The following CNTLN variants were observed in gnomAD, a reference collection of about 807,000 sequenced individuals.
CNTLN encodes the protein centlein, also known as centlein, centrosomal protein.
A neutral mutation model predicts 180.0 loss-of-function variants in CNTLN; 212 were observed. That is an observed-to-expected ratio of 1.18 (90% CI 1.05 to 1.32). The LOEUF is 1.32. Ranked by LOEUF, CNTLN falls within the 40% of genes most tolerant of loss-of-function variation. The pLI, the probability that CNTLN is intolerant of heterozygous loss-of-function variation, is 0.00. For missense variants in CNTLN, 2,095 were observed against 1,610.9 expected (o/e 1.30, Z -5.14); for synonymous variants, 722 against 563.1 (o/e 1.28, Z -3.99).
chr9:17,264,363 G>C (rs1257066739), intron 5 of CNTLN, among the ~76,000 whole-genome samples: 1 of 151,624 alleles, frequency 6.6e-6, no homozygotes, highest in Admixed American at 6.6e-5. Context: ...TAGATATGCA[G>C]CGTTATTTCT....
At chr9:17,149,768 T>C (rs1317257262) in intron 2 of CNTLN, among the ~76,000 whole-genome samples, 3 of 152,062 alleles carry the variant, frequency 2.0e-5, no homozygotes, top group Non-Finnish European at 4.4e-5. Flanking sequence ...CTGCCCGCCT[T>C]GGCCTCCCAA....
At chr9:17,478,283 G>T (rs1034048765) in intron 23 of CNTLN, among the ~76,000 whole-genome samples, 3 of 152,120 alleles carry the variant, frequency 2.0e-5, no homozygotes, top group Admixed American at 1.3e-4. Context: ...CCCATGATAT[G>T]TCTCAAGTAT....
chr9:17,261,932 C>G (rs530427146), intron 5 of CNTLN, among the ~76,000 whole-genome samples: 9 of 151,708 alleles, frequency 5.9e-5, no homozygotes, highest in Non-Finnish European at 1.0e-4. Context: ...ACAGACACTT[C>G]TCCTTCAAAA....
intron 7 of CNTLN, chr9:17,299,407 ATAT>A: frequency 1.1e-6 from 1 of 949,682 alleles, no homozygotes; most frequent in Non-Finnish European, 1.3e-6. Context: ...TACACAGTTC[ATAT>A]TATCCCTCTA....
chr9:17,161,641 C>T (rs1014875648), intron 2 of CNTLN, among the ~76,000 whole-genome samples: 2 of 152,120 alleles, frequency 1.3e-5, no homozygotes, highest in Admixed American at 1.3e-4. Flanking sequence ...ATTAGTAATA[C>T]GTTATTTTTT....
At chr9:17,312,326 C>T (rs867500263) in intron 8 of CNTLN, among the ~76,000 whole-genome samples, 19 of 125,086 alleles carry the variant, frequency 1.5e-4, no homozygotes, top group Middle Eastern at 4.4e-3. Flanking sequence ...AGGTAGTACT[C>T]GATAAGATTA....
At chr9:17,225,326 A>G (rs995169043) in intron 2 of CNTLN, among the ~76,000 whole-genome samples, 1 of 151,954 alleles carries the variant, frequency 6.6e-6, no homozygotes, top group African/African-American at 2.4e-5. Flanking sequence ...GCTCCTTTCC[A>G]CCTCAGCCTG....
At position 17,487,066 on chromosome 9, in the gene CNTLN, G is replaced by A; in HGVS notation, c.4119G>A (p.Gln1373=). 2 of 1,589,556 alleles carry A rather than the reference G, an allele frequency of 1.3e-6. No homozygotes were observed. The highest frequency in any genetic ancestry group is 8.6e-7 in the Non-Finnish European group (1 of 1,159,602). The part of the protein sequence containing the change: ...MLYIQKLLEG[Q]LPFASYLLEA... ...ACATTCAGAAACTTCTTGAAGGACA[G>A]GTATTTCATTTTTCTGTTTCATATA... The change falls in exon 25 of 26, where the codon CAG becomes CAA. Residue 1373 remains glutamine (Q), a splice_region_variant and synonymous_variant. Transcript: ENST00000380647.
chr9:17,285,340 T>A (rs997375108), intron 6 of CNTLN, among the ~76,000 whole-genome samples: 5 of 149,704 alleles, frequency 3.3e-5, no homozygotes, highest in African/African-American at 1.2e-4. Context: ...GAACTCATCA[T>A]TTTTTATGGC....
intron 2 of CNTLN, among the ~76,000 whole-genome samples, chr9:17,221,138 T>A (rs1339538752): frequency 2.6e-5 from 4 of 152,122 alleles, no homozygotes; most frequent in Admixed American, 2.0e-4. Flanking sequence ...CTAATGTATA[T>A]ACCTCTAATA....
At chr9:17,241,742 T>A (rs1367855521) in intron 5 of CNTLN, among the ~76,000 whole-genome samples, 1 of 152,170 alleles carries the variant, frequency 6.6e-6, no homozygotes, top group East Asian at 1.9e-4. Flanking sequence ...CATCAATGTT[T>A]TATAGTTTTT....
chr9:17,299,919 T>G (rs1818229123), intron 7 of CNTLN: 1 of 400,666 alleles, frequency 2.5e-6, no homozygotes, highest in African/African-American at 2.2e-5. Flanking sequence ...AGCTGTCCCT[T>G]TTTAATTTCT....
intron 1 of CNTLN, among the ~76,000 whole-genome samples, chr9:17,141,777 T>C (rs1198128488): frequency 6.6e-6 from 1 of 151,928 alleles, no homozygotes; most frequent in South Asian, 2.1e-4. Context: ...ATATGAAGTA[T>C]GAGGAGAAAA....
intron 20 of CNTLN, among the ~76,000 whole-genome samples, chr9:17,463,719 A>T (rs536614912): frequency 6.6e-6 from 1 of 151,652 alleles, no homozygotes; most frequent in Non-Finnish European, 1.5e-5. Context: ...TTATTTATCA[A>T]TTAAGAGTAA....
At position 17,135,234 on chromosome 9, in the gene CNTLN, T is replaced by A; in HGVS notation, c.169T>A (p.Trp57Arg). ...EVVADESDKI[W>R]VGEEGSGGRR... is the part of the protein sequence containing the mutation. The stretch of plus-strand genomic sequence containing the variant: ...GGTCGCGGACGAAAGTGATAAAATC[T>A]GGGTGGGTGAAGAAGGGTCAGGGGG... The change falls in exon 1 of 26, where the codon TGG becomes AGG. Residue 57 changes from tryptophan (W) to arginine (R), a missense_variant. Physicochemically the swap from Trp to Arg is moderately radical, Grantham distance 101. Transcript: ENST00000380647. The A allele has an allele frequency of 6.2e-7, 1 of 1,609,094 alleles. No individual in the cohort carries two copies. Among genetic ancestry groups the A allele is most frequent in the Non-Finnish European group, 8.5e-7 (1 of 1,178,158 alleles).
intron 12 of CNTLN, among the ~76,000 whole-genome samples, chr9:17,349,661 A>T (rs538258818): frequency 1.3e-5 from 2 of 152,136 alleles, no homozygotes; most frequent in African/African-American, 4.8e-5. Context: ...AAAAACTTAC[A>T]TGGAATATAG....
At chr9:17,409,730 C>G (rs1587918922) in intron 16 of CNTLN, among the ~76,000 whole-genome samples, 1 of 151,924 alleles carries the variant, frequency 6.6e-6, no homozygotes, top group Non-Finnish European at 1.5e-5. Flanking sequence ...GGTTAATAAG[C>G]TCATTATTGT....
At chr9:17,201,811 G>T (rs1822551605) in intron 2 of CNTLN, among the ~76,000 whole-genome samples, 1 of 151,370 alleles carries the variant, frequency 6.6e-6, no homozygotes, top group South Asian at 2.1e-4. Context: ...TTTTTTTTAA[G>T]GGTTTTTCAG....
rs145203159 is a variant in CNTLN at position 17,160,406 on chromosome 9, C to G, written c.449+17030C>G. ...TTTAGTTATTTTACTACCTAACTTT[C>G]TCACTATCACAGGCATGACATTTTC... On this transcript the variant is annotated intron_variant, in intron 2 of 25. Coordinates refer to ENST00000380647, the MANE Select transcript of CNTLN (RefSeq NM_017738.4). Among the ~76,000 whole-genome samples, 15 of 152,266 alleles carry G rather than the reference C, an allele frequency of 9.9e-5. No individual in the cohort carries two copies. In the East Asian group the frequency reaches 2.9e-3, roughly 29 times the overall value.
Sources: allele counts gnomAD v4.1 joint callset (sites outside exome capture counted in the v4.1 genomes callset), GRCh38; gene constraint gnomAD v4.1.1; transcripts MANE v1.5; gene names NCBI Gene and HGNC (gene_info 2026-07-23, HGNC 2026-07-21).